The following NSMCE2 variants were observed in gnomAD, a reference collection of about 807,000 sequenced individuals.
NSMCE2 encodes the protein E3 SUMO-protein ligase NSE2.
Under a neutral mutation model 23.8 loss-of-function variants are expected in NSMCE2, and 24 were observed. The observed-to-expected ratio is 1.01, with a 90% CI of 0.73 to 1.42. The LOEUF (loss-of-function observed/expected upper bound fraction) is 1.42, where lower values mean the gene tolerates loss of function less well. NSMCE2 is among the 40% of genes most tolerant of loss of function. The pLI is 0.00. For synonymous variants in NSMCE2, 92 were observed against 94.1 expected (o/e 0.98, Z 0.13); for missense variants, 284 against 296.5 (o/e 0.96, Z 0.31).
intron 5 of NSMCE2, among the ~76,000 whole-genome samples, chr8:125,245,691 A>G (rs895492513): frequency 6.6e-6 from 1 of 152,222 alleles, no homozygotes; most frequent in Non-Finnish European, 1.5e-5. Context: ...CAATAAAATG[A>G]TCAATCTAAG....
intron 5 of NSMCE2, among the ~76,000 whole-genome samples, chr8:125,272,241 C>G (rs1451152160): frequency 6.6e-6 from 1 of 151,834 alleles, no homozygotes; most frequent in Non-Finnish European, 1.5e-5. Flanking sequence ...GTCTCGATCT[C>G]CTGACCTCAT....
At chr8:125,152,520 A>G (rs1563682836) in intron 4 of NSMCE2, among the ~76,000 whole-genome samples, 1 of 152,234 alleles carries the variant, frequency 6.6e-6, no homozygotes, top group Non-Finnish European at 1.5e-5. Flanking sequence ...AAGAAAGTCA[A>G]GTGTTTACTG....
chr8:125,127,256 A>G (rs1819559008), intron 3 of NSMCE2, among the ~76,000 whole-genome samples: 2 of 152,200 alleles, frequency 1.3e-5, no homozygotes, highest in Admixed American at 1.3e-4. Context: ...ATTAGTGGAA[A>G]AAGAATTTAA....
intron 5 of NSMCE2, among the ~76,000 whole-genome samples, chr8:125,260,647 T>G (rs1826652442): frequency 6.6e-6 from 1 of 151,392 alleles, no homozygotes; most frequent in Non-Finnish European, 1.5e-5. Flanking sequence ...TTTTTTGAGA[T>G]GGAGTCTTGC....
chr8:125,191,334 A>G (rs1462444405), intron 5 of NSMCE2, among the ~76,000 whole-genome samples: 1 of 152,130 alleles, frequency 6.6e-6, no homozygotes, highest in Non-Finnish European at 1.5e-5. Flanking sequence ...TCTTTCCCAC[A>G]TACCACACCA....
chr8:125,103,168 T>C (rs1818284379), intron 3 of NSMCE2, among the ~76,000 whole-genome samples: 1 of 152,020 alleles, frequency 6.6e-6, no homozygotes, highest in African/African-American at 2.4e-5. Flanking sequence ...TAGCTGGGTG[T>C]GGTGGCAGGT....
intron 5 of NSMCE2, among the ~76,000 whole-genome samples, chr8:125,306,971 A>G (rs141110358): frequency 3.3e-5 from 5 of 152,336 alleles, no homozygotes; most frequent in African/African-American, 4.8e-5. Context: ...AGAGTAAGCA[A>G]TTTATAAAGG....
intron 5 of NSMCE2, among the ~76,000 whole-genome samples, chr8:125,244,854 A>C (rs1825896449): frequency 6.6e-6 from 1 of 152,232 alleles, no homozygotes; most frequent in South Asian, 2.1e-4. Flanking sequence ...AAAAAAAGAT[A>C]TAGAGGAGCG....
intron 5 of NSMCE2, among the ~76,000 whole-genome samples, chr8:125,268,373 A>G (rs1266523141): frequency 3.3e-5 from 5 of 152,200 alleles, no homozygotes; most frequent in African/African-American, 9.7e-5. Flanking sequence ...TGAAGGAGAA[A>G]GAAGTTAAAA....
At position 125,280,859 on chromosome 8, in the gene NSMCE2, G is replaced by A. The variant is rs184087639; in HGVS notation, c.419-76360G>A. 3.3e-5 allele frequency among the ~76,000 whole-genome samples: 5 copies of A among 152,326 alleles called. No individual in the cohort carries two copies. In the East Asian group the frequency reaches 9.6e-4, roughly 29 times the overall value. On this transcript the variant is annotated intron_variant, in intron 5 of 7. Coordinates refer to ENST00000287437, the MANE Select transcript of NSMCE2 (RefSeq NM_173685.4). The stretch of plus-strand genomic sequence containing the variant: ...GGAAATCTCATTATAAACTGGTGTA[G>A]TTAATCTGTAACTATATTTGGATTG...
chr8:125,296,427 C>T (rs1331580121), intron 5 of NSMCE2, among the ~76,000 whole-genome samples: 1 of 125,724 alleles, frequency 8.0e-6, no homozygotes, highest in African/African-American at 3.0e-5. Flanking sequence ...CGGAGTCTTG[C>T]TCTGTCACCC....
intron 3 of NSMCE2, among the ~76,000 whole-genome samples, chr8:125,110,332 A>G (rs1026836431): frequency 6.6e-6 from 1 of 152,176 alleles, no homozygotes; most frequent in Non-Finnish European, 1.5e-5. Context: ...TTCTCTATAT[A>G]TTGCTTTTCT....
intron 5 of NSMCE2, among the ~76,000 whole-genome samples, chr8:125,232,269 A>G (rs1384716122): frequency 6.6e-6 from 1 of 152,132 alleles, no homozygotes; most frequent in African/African-American, 2.4e-5. Context: ...AGGCTGAGGC[A>G]GGAGAATCGC....
At chr8:125,267,068 G>A (rs1383567154) in intron 5 of NSMCE2, among the ~76,000 whole-genome samples, 2 of 130,262 alleles carry the variant, frequency 1.5e-5, no homozygotes, top group Non-Finnish European at 3.1e-5. Flanking sequence ...GCAATGGCAT[G>A]ATATTGGCCT....
rs1030877927 is a variant in NSMCE2, at chr8:125,293,510, A to G, written c.419-63709A>G. ...TTTGAAATTTATTTGAACTTCGTTC[A>G]ATAAATGATCACTGAGCATCCACTC... On this transcript the variant is annotated intron_variant, in intron 5 of 7. Coordinates refer to ENST00000287437, the MANE Select transcript of NSMCE2 (RefSeq NM_173685.4). 2.2e-5 allele frequency among the ~76,000 whole-genome samples: 3 copies of G among 134,400 alleles called. 1 individual carries two copies. Among genetic ancestry groups the G allele is most frequent in the South Asian group, 3.1e-4 (1 of 3,266 alleles). 88.2% of individuals were successfully genotyped at this position (134,400 alleles called of 152,430 possible).
intron 5 of NSMCE2, among the ~76,000 whole-genome samples, chr8:125,320,656 T>A (rs1013112626): frequency 2.0e-5 from 3 of 152,028 alleles, no homozygotes; most frequent in African/African-American, 7.3e-5. Flanking sequence ...ATATATTTTT[T>A]AAAAAAAGGT....
chr8:125,302,695 A>T (rs1828612767), intron 5 of NSMCE2, among the ~76,000 whole-genome samples: 1 of 152,174 alleles, frequency 6.6e-6, no homozygotes, highest in South Asian at 2.1e-4. Context: ...AAGGACCCTG[A>T]GACAGAGGGG....
chr8:125,147,862 AC>A (rs1299789330), intron 3 of NSMCE2, among the ~76,000 whole-genome samples: 2 of 152,192 alleles, frequency 1.3e-5, no homozygotes, highest in Non-Finnish European at 2.9e-5. Context: ...AAAAAGAATT[AC>A]GAAAATCCTC....
intron 5 of NSMCE2, among the ~76,000 whole-genome samples, chr8:125,257,477 A>G (rs1411681755): frequency 6.6e-6 from 1 of 150,994 alleles, no homozygotes; most frequent in East Asian, 1.9e-4. Context: ...GGATTGAGGA[A>G]GGGTCATTGG....
Sources: gnomAD v4.1 joint callset for allele counts (sites outside exome capture counted in the v4.1 genomes callset) on GRCh38, gnomAD v4.1.1 for gene constraint, MANE v1.5 for transcripts, NCBI Gene and HGNC (gene_info 2026-07-23, HGNC 2026-07-21) for gene names.